ADGRE3: variants seen among roughly 807,000 people sequenced by gnomAD.
ADGRE3 encodes EGF-like module receptor 3.
A neutral mutation model predicts 80.1 loss-of-function variants in ADGRE3; 88 were observed. That is an observed-to-expected ratio of 1.10 (90% CI 0.93 to 1.31). The LOEUF is 1.31. Among genes scored for constraint, ADGRE3 ranks in the 40% most tolerant of loss-of-function variants. The pLI, the probability that ADGRE3 is intolerant of heterozygous loss-of-function variation, is 0.00. For synonymous variants in ADGRE3, 281 were observed against 294.8 expected (o/e 0.95, Z 0.48); for missense variants, 715 against 776.5 (o/e 0.92, Z 0.94).
chr19:14,629,548 A>G (rs1234160218), intron 14 of ADGRE3, among the ~76,000 whole-genome samples: 1 of 152,028 alleles, frequency 6.6e-6, no homozygotes, highest in African/African-American at 2.4e-5. Flanking sequence ...TGATTTCAGC[A>G]TTGTTAGGAG....
chr19:14,665,332 G>A (rs887089474), intron 2 of ADGRE3, among the ~76,000 whole-genome samples: 11 of 151,838 alleles, frequency 7.2e-5, no homozygotes, highest in Non-Finnish European at 1.3e-4. Flanking sequence ...CAAAGTGCTG[G>A]GATTACAGGC....
At chr19:14,640,117 C>A (rs193023453) in intron 10 of ADGRE3, among the ~76,000 whole-genome samples, 21 of 152,282 alleles carry the variant, frequency 1.4e-4, no homozygotes, top group African/African-American at 3.4e-4. Context: ...TTTCACTCAG[C>A]TTAACAATCT....
intron 2 of ADGRE3, among the ~76,000 whole-genome samples, chr19:14,667,809 C>T (rs1972145038): frequency 6.6e-6 from 1 of 152,058 alleles, no homozygotes. Flanking sequence ...GCACATGTAC[C>T]CTAGAACTTA....
chr19:14,616,162 C>G (rs2075074337), downstream of ADGRE3, among the ~76,000 whole-genome samples: 1 of 151,866 alleles, frequency 6.6e-6, no homozygotes, highest in South Asian at 2.1e-4. Context: ...GAACTCCTGA[C>G]CTCTGCCCTT....
intron 4 of ADGRE3, among the ~76,000 whole-genome samples, chr19:14,659,693 T>G (rs1021794830): frequency 6.6e-6 from 1 of 151,182 alleles, no homozygotes; most frequent in African/African-American, 2.4e-5. Context: ...TGTTGGCGGG[T>G]GCCTGTAATC....
chr19:14,607,161 A>T, the ADGRE3 span: 2 of 705,062 alleles, frequency 2.8e-6, no homozygotes, highest in Admixed American at 4.3e-5. Context: ...GACCATGGGG[A>T]GGGGAGAAGG....
chr19:14,663,322 G>A, intron 3 of ADGRE3, 96 bp downstream of exon 3: 1 of 740,792 alleles, frequency 1.3e-6, no homozygotes, highest in Middle Eastern at 5.9e-4. Context: ...CTTTGATCAT[G>A]CCACAGCAGT....
At chr19:14,612,321 G>T in the ADGRE3 span, among the ~76,000 whole-genome samples, 1 of 152,100 alleles carries the variant, frequency 6.6e-6, no homozygotes, top group East Asian at 1.9e-4. Context: ...GTGTGTCTGG[G>T]TCCTAATCTC....
intron 1 of ADGRE3, among the ~76,000 whole-genome samples, chr19:14,671,857 C>T (rs1434082341): frequency 1.3e-5 from 2 of 151,904 alleles, no homozygotes; most frequent in Non-Finnish European, 2.9e-5. Context: ...TGCAATCATA[C>T]CTCACTGTAG....
chr19:14,644,405 C>T, intron 8 of ADGRE3, 130 bp from the exon 9 acceptor site: 1 of 561,538 alleles, frequency 1.8e-6, no homozygotes, highest in South Asian at 2.8e-5. Context: ...ACTGCAACCT[C>T]CGCTTCCTGG....
intron 6 of ADGRE3, among the ~76,000 whole-genome samples, chr19:14,653,523 G>C (rs938672373): frequency 1.3e-5 from 2 of 151,422 alleles, no homozygotes; most frequent in African/African-American, 4.9e-5. Context: ...GAGTCGTTTA[G>C]CTTCTGAGGG....
At chr19:14,609,718 A>G in the ADGRE3 span, among the ~76,000 whole-genome samples, 1 of 151,980 alleles carries the variant, frequency 6.6e-6, no homozygotes, top group Non-Finnish European at 1.5e-5. Flanking sequence ...GACACCTGTA[A>G]TCCCAGCTAC....
chr19:14,638,796 C>T (rs572349322), intron 10 of ADGRE3, among the ~76,000 whole-genome samples: 51 of 152,196 alleles, frequency 3.4e-4, no homozygotes, highest in Admixed American at 2.0e-3. Context: ...TCCACTTCCC[C>T]CCTCAACCTC....
At chr19:14,653,981 C>G (rs188416980) in intron 6 of ADGRE3, among the ~76,000 whole-genome samples, 3 of 145,444 alleles carry the variant, frequency 2.1e-5, no homozygotes, top group East Asian at 2.0e-4. Flanking sequence ...AAGATGGAGT[C>G]TTGCTCTGTC....
chr19:14,618,696 A>C (rs2075097477), downstream of ADGRE3, among the ~76,000 whole-genome samples: 2 of 151,768 alleles, frequency 1.3e-5, no homozygotes, highest in South Asian at 4.2e-4. Flanking sequence ...GTCTCTACTA[A>C]AAATACAAAA....
At chr19:14,651,466 A>G (rs1353375448) in intron 6 of ADGRE3, among the ~76,000 whole-genome samples, 1 of 152,208 alleles carries the variant, frequency 6.6e-6, no homozygotes, top group Non-Finnish European at 1.5e-5. Context: ...AGTCTTACAC[A>G]TGTCACCTTA....
At chr19:14,636,008 TCTTTCTTCCTTCCTTCCTTCCTTCCTTC>T (rs1971032188) in intron 11 of ADGRE3, among the ~76,000 whole-genome samples, 1 of 76,074 alleles carries the variant, frequency 1.3e-5, no homozygotes, top group Non-Finnish European at 2.7e-5. Context: ...TCTTTCTCTT[TCTTTCTTCCTTCCTTCCTTCCTTCCTTC>T]CTTCCTTCCT....
chr19:14,670,310 G>T (rs950681561), intron 1 of ADGRE3, among the ~76,000 whole-genome samples: 2 of 152,104 alleles, frequency 1.3e-5, no homozygotes, highest in Admixed American at 6.6e-5. Flanking sequence ...GAACATCTAA[G>T]CTCTAAGCAT....
Position 14,620,564 on chromosome 19 carries a change from ATATATTTTTTTTTTTT to A in ADGRE3, c.1921-1109_1921-1094del, listed in dbSNP as rs1568471658. On this transcript the variant is annotated intron_variant, in intron 15 of 15. Transcript: ENST00000253673. ...ATATATATATTATATATATATATAT[ATATATTTTTTTTTTTT>A]TTTTTTTTTTTTTTTTTGAGACAGG... Among the ~76,000 whole-genome samples the A allele has an allele frequency of 8.8e-3, 303 of 34,340 alleles. 41 individuals carry two copies. Among genetic ancestry groups the A allele is most frequent in the African/African-American group, 0.029 (251 of 8,554 alleles). 22.5% of individuals were successfully genotyped at this position (34,340 alleles called of 152,430 possible).
Sources: allele counts gnomAD v4.1 joint callset (sites outside exome capture counted in the v4.1 genomes callset), GRCh38; gene constraint gnomAD v4.1.1; transcripts MANE v1.5; gene names NCBI Gene and HGNC (gene_info 2026-07-23, HGNC 2026-07-21).